UBN1: variants seen among roughly 807,000 people sequenced by gnomAD.
UBN1 encodes the protein ubinuclein 1.
In UBN1, 17 loss-of-function variants were observed where a neutral mutation model predicts 108.5. The ratio of observed to expected loss-of-function variants is 0.16; its 90% CI spans 0.11 to 0.24. UBN1 has a LOEUF of 0.24. Among genes scored for constraint, UBN1 ranks in the 10% least tolerant of loss-of-function variants. UBN1 has a pLI of 1.00. For missense variants in UBN1, 1,595 were observed against 1,394.4 expected, an observed-to-expected ratio of 1.14 and a Z score of -2.29; for synonymous variants, 726 against 564.2, an observed-to-expected ratio of 1.29 and a Z score of -4.07.
In UBN1 at chr16:4,877,915, C is replaced by G. The variant is rs1453796173; in HGVS notation, c.3355+441C>G. Reference sequence around the variant, plus strand: ...AGATGTGATTGCTTAACAGAAGGCTCTCTAAACTTTGTTTCCATTAAAGGG... The same window carrying G: ...AGATGTGATTGCTTAACAGAAGGCTGTCTAAACTTTGTTTCCATTAAAGGG... On this transcript the variant is annotated intron_variant, in intron 17 of 17. Transcript: ENST00000262376. This position sits in a 1 kb window ranked among gnomAD's most constrained non-coding sequence, Gnocchi z 4.3. 2 of 868,062 alleles carry G rather than the reference C, an allele frequency of 2.3e-6. No individual in the cohort carries two copies. Among genetic ancestry groups the G allele is most frequent in the African/African-American group, 1.8e-5 (1 of 54,880 alleles). 53.8% of individuals were successfully genotyped at this position (868,062 alleles called of 1,614,324 possible).
chr16:4,854,814 C>G (rs2086722661), intron 2 of UBN1, among the ~76,000 whole-genome samples: 1 of 152,082 alleles, frequency 6.6e-6, no homozygotes, highest in African/African-American at 2.4e-5. Flanking sequence ...GCTCCGCCTC[C>G]TCGGTTCATG....
At position 4,874,602 on chromosome 16, in the gene UBN1, C is replaced by T. The variant is rs758441273; in HGVS notation, c.2192C>T (p.Ser731Phe). Residue 731 changes from serine to phenylalanine, a missense_variant, in exon 15 of 18, where the codon TCT becomes TTT. Physicochemically the swap from Ser to Phe is radical, Grantham distance 155 (BLOSUM62 -2). Around this residue, in one of 3 missense-constraint regions of UBN1, gnomAD observed 1,398 missense variants for 1,194.7 expected, o/e 1.17. Coordinates refer to ENST00000262376, the MANE Select transcript of UBN1 (RefSeq NM_001079514.3). Reference protein sequence around the residue: ...PSPSAPPPASSLQSPLNFLAE... With the variant: ...PSPSAPPPASFLQSPLNFLAE... ...CCTTCTGCTCCACCACCAGCTAGCT[C>T]TCTGCAGTCACCCCTCAATTTTCTG... The T allele has an allele frequency of 6.2e-7, 1 of 1,614,142 alleles. No homozygotes were observed. Among genetic ancestry groups the T allele is most frequent in the African/African-American group, 1.3e-5 (1 of 74,950 alleles).
Position 4,874,969 on chromosome 16 carries a change from C to G in UBN1, c.2559C>G (p.Gly853=). Reference sequence around the variant, plus strand: ...TGAAGACAGCGGCCAAAGGCCAGGGCTTCCATCCCTCTGCACCAGCCACCT... The same window carrying G: ...TGAAGACAGCGGCCAAAGGCCAGGGGTTCCATCCCTCTGCACCAGCCACCT... ...QLVKTAAKGQ[G]FHPSAPATSG... is the part of the protein sequence containing the mutation. The change falls in exon 15 of 18, where the codon GGC becomes GGG. Residue 853 remains glycine (G), a synonymous_variant. Transcript: ENST00000262376. The G allele has an allele frequency of 1.2e-6, 2 of 1,614,180 alleles. No individual in the cohort carries two copies. The highest frequency in any genetic ancestry group is 2.2e-5 in the South Asian group (2 of 91,092).
At chr16:4,853,997 G>T (rs2086677250) in intron 2 of UBN1, among the ~76,000 whole-genome samples, 1 of 152,112 alleles carries the variant, frequency 6.6e-6, no homozygotes, top group Non-Finnish European at 1.5e-5. Context: ...GGCAACCACT[G>T]CCCTGATTTC....
At chr16:4,861,134 G>T in intron 7 of UBN1, 32 bp downstream of exon 7, 2 of 1,583,884 alleles carry the variant, frequency 1.3e-6, no homozygotes, top group South Asian at 1.1e-5. Flanking sequence ...GGGCTTTCCT[G>T]GAAGCAGTTT....
chr16:4,871,170 G>A lies in UBN1; in HGVS notation c.1575G>A (p.Gln525=). The A allele has an allele frequency of 1.2e-6, 2 of 1,614,244 alleles. No homozygotes were observed. Among genetic ancestry groups the A allele is most frequent in the Non-Finnish European group, 1.7e-6 (2 of 1,180,038 alleles). Residue 525 remains glutamine, a synonymous_variant, in exon 12 of 18, where the codon CAG becomes CAA. Transcript: ENST00000262376. Reference sequence around the variant, plus strand: ...TCCTTCTCAGGGAGCTACTGTGCCAGGTGGTGAAGATCAAACTGGAGAGCC... The same window carrying A: ...TCCTTCTCAGGGAGCTACTGTGCCAAGTGGTGAAGATCAAACTGGAGAGCC... ...WNDEIRELLC[Q]VVKIKLESQD...
At chr16:4,863,010 A>T (rs959540223) in intron 7 of UBN1, among the ~76,000 whole-genome samples, 4 of 152,198 alleles carry the variant, frequency 2.6e-5, no homozygotes, top group Non-Finnish European at 5.9e-5. Context: ...TTGATATTCG[A>T]GTCTTCACAT....
rs762388807 is a variant in UBN1, at chr16:4,874,991, A to G, written c.2581A>G (p.Thr861Ala). The change falls in exon 15 of 18, where the codon ACC (threonine) becomes GCC (alanine). Residue 861 changes from threonine to alanine, a missense_variant. Coordinates refer to ENST00000262376, the MANE Select transcript of UBN1 (RefSeq NM_001079514.3). ...GQGFHPSAPATSGGLSASSSS... is the reference protein window; with the variant it reads ...GQGFHPSAPAASGGLSASSSS... ...GGGCTTCCATCCCTCTGCACCAGCC[A>G]CCTCAGGAGGCCTGTCAGCCTCCAG... 7 of 1,614,004 alleles carry G rather than the reference A, an allele frequency of 4.3e-6. No homozygotes were observed. Among genetic ancestry groups the G allele is most frequent in the Non-Finnish European group, 5.9e-6 (7 of 1,180,016 alleles).
chr16:4,860,584 G>C, intron 6 of UBN1, 80 bp from the exon 7 acceptor site: 1 of 1,398,688 alleles, frequency 7.1e-7, no homozygotes, highest in South Asian at 1.4e-5. Context: ...CCATGACCCT[G>C]GGAGCAGGGG....
chr16:4,848,739 A>C (rs2086350290), intron 1 of UBN1, among the ~76,000 whole-genome samples: 2 of 152,270 alleles, frequency 1.3e-5, no homozygotes, highest in African/African-American at 4.8e-5. Context: ...TAAAAATTTA[A>C]CATAAGTTCC....
In UBN1 at chr16:4,855,184, C is replaced by G. The variant is rs987706618; in HGVS notation, c.249+2018C>G. On this transcript the variant is annotated intron_variant, in intron 2 of 17. Coordinates refer to ENST00000262376, the MANE Select transcript of UBN1 (RefSeq NM_001079514.3). ...GGTTCACAGTTGTCTGAGTGTGGAACGAGAATGAAATCATGTTGTGAATTT... is the reference window on the plus strand; with the variant it reads ...GGTTCACAGTTGTCTGAGTGTGGAAGGAGAATGAAATCATGTTGTGAATTT... 1.1e-4 allele frequency among the ~76,000 whole-genome samples: 17 copies of G among 151,990 alleles called. 1 individual carries two copies. Among genetic ancestry groups the G allele is most frequent in the African/African-American group, 4.1e-4 (17 of 41,366 alleles).
In UBN1 at chr16:4,857,993, A is replaced by G. The variant is rs770948241; in HGVS notation, c.253A>G (p.Lys85Glu). 1 of 1,610,428 alleles carries G rather than the reference A, an allele frequency of 6.2e-7. No individual in the cohort carries two copies. Among genetic ancestry groups the G allele is most frequent in the South Asian group, 1.1e-5 (1 of 90,672 alleles). Residue 85 changes from lysine (K) to glutamate (E), a missense_variant, in exon 3 of 18, where the codon AAA becomes GAA. By Grantham distance (56) the Lys-to-Glu change is moderately conservative. This residue lies in a region of UBN1 where 181 missense variants were observed against 157.3 expected (regional missense o/e 1.15). Transcript: ENST00000262376. Reference sequence around the variant, plus strand: ...TTGTGGAACGATCTCTTTACAGAAGAAAGATCTGTCAGATCCTTTCAATGA... The same window carrying G: ...TTGTGGAACGATCTCTTTACAGAAGGAAGATCTGTCAGATCCTTTCAATGA... ...VKGLQPGDKKKDLSDPFNDEE... is the reference protein window; with the variant it reads ...VKGLQPGDKKEDLSDPFNDEE...
At chr16:4,849,965 AAC>A (rs1555509959) in intron 1 of UBN1, among the ~76,000 whole-genome samples, 7 of 149,088 alleles carry the variant, frequency 4.7e-5, no homozygotes, top group African/African-American at 9.9e-5. Flanking sequence ...AAAAAAAAAA[AAC>A]CACAAAAAAA....
intron 17 of UBN1, among the ~76,000 whole-genome samples, chr16:4,878,949 C>T (rs971431206): frequency 3.3e-5 from 5 of 152,150 alleles, no homozygotes; most frequent in African/African-American, 1.2e-4. Context: ...GAGGTCGAGG[C>T]TGCAGCGAGC....
chr16:4,853,417 C>A (rs1407161886), intron 2 of UBN1, among the ~76,000 whole-genome samples: 3 of 152,092 alleles, frequency 2.0e-5, no homozygotes, highest in Non-Finnish European at 4.4e-5. Context: ...AGGTTATAAA[C>A]GTTATGTGTA....
chr16:4,853,225 A>T lies in UBN1; in HGVS notation c.249+59A>T, dbSNP rs193243440. 1.4e-3 allele frequency: 2,237 copies of T among 1,577,262 alleles called. 4 individuals are homozygous for T. Among genetic ancestry groups the T allele is most frequent in the Non-Finnish European group, 1.8e-3 (2,089 of 1,162,176 alleles). On this transcript the variant is annotated intron_variant, in intron 2 of 17. Coordinates refer to ENST00000262376, the MANE Select transcript of UBN1 (RefSeq NM_001079514.3). ...TTAACGCACAGGGGTCAGTGCATGC[A>T]TGTGGGGCTTCCGTAGCGGGGAAGC...
intron 7 of UBN1, among the ~76,000 whole-genome samples, chr16:4,865,605 A>G (rs1410552375): frequency 6.6e-6 from 1 of 152,134 alleles, no homozygotes; most frequent in Non-Finnish European, 1.5e-5. Context: ...TGGGAGGTCA[A>G]GGCTGTATGA....
At chr16:4,849,517 G>A (rs1436181832) in intron 1 of UBN1, among the ~76,000 whole-genome samples, 1 of 152,012 alleles carries the variant, frequency 6.6e-6, no homozygotes, top group Non-Finnish European at 1.5e-5. Context: ...AATTGCTGAG[G>A]ATAACCAAGG....
Position 4,876,922 on chromosome 16 carries a change from C to T in UBN1, c.3076C>T (p.Pro1026Ser), listed in dbSNP as rs1204232796. 2.5e-6 allele frequency: 4 copies of T among 1,613,934 alleles called. 1 individual carries two copies. The African/African-American group carries it at 4.0e-5, about 16-fold the overall frequency. Residue 1026 changes from proline (P) to serine (S), a missense_variant, in exon 16 of 18, where the codon CCC (proline) becomes TCC (serine). Physicochemically the swap from Pro to Ser is moderately conservative, Grantham distance 74. This residue lies in a region of UBN1 where 1,398 missense variants were observed against 1,194.7 expected (regional missense o/e 1.17). Transcript: ENST00000262376. ...GGCCGGCTCCTCTTTGATGGCTTCA[C>T]CCTACAAATCCAGCAGCCCAAAGCT... Reference protein sequence around the residue: ...LLAGSSLMASPYKSSSPKLSG... With the variant: ...LLAGSSLMASSYKSSSPKLSG...
Sources: allele counts gnomAD v4.1 joint callset (sites outside exome capture counted in the v4.1 genomes callset), GRCh38; gene constraint gnomAD v4.1.1; regional missense constraint gnomAD v4.1.1; non-coding constraint Gnocchi (gnomAD v3.1); transcripts MANE v1.5; gene names NCBI Gene and HGNC (gene_info 2026-07-23, HGNC 2026-07-21).